Variants in GRTP1 observed in about 807,000 individuals in gnomAD.
The protein encoded by GRTP1 is growth hormone-regulated TBC protein 1.
A neutral mutation model predicts 38.1 loss-of-function variants in GRTP1; 56 were observed. The ratio of observed to expected loss-of-function variants is 1.47; its 90% CI spans 1.19 to 1.84. The LOEUF (loss-of-function observed/expected upper bound fraction) is 1.84, where lower values mean the gene tolerates loss of function less well. GRTP1 is among the 40% of genes most tolerant of loss of function. GRTP1 has a pLI of 0.00. For missense variants in GRTP1, 506 were observed against 453.9 expected (o/e 1.11, Z -1.04); for synonymous variants, 217 against 189.5 (o/e 1.14, Z -1.19).
intron 4 of GRTP1, among the ~76,000 whole-genome samples, chr13:113,345,397 T>C (rs2139454658): frequency 6.6e-6 from 1 of 152,342 alleles, no homozygotes; most frequent in African/African-American, 2.4e-5. Flanking sequence ...AATTTCGTGG[T>C]GGAGACCCTT....
chr13:113,354,012 G>A (rs1466932957), intron 3 of GRTP1, among the ~76,000 whole-genome samples: 1 of 152,168 alleles, frequency 6.6e-6, no homozygotes, highest in African/African-American at 2.4e-5. Context: ...CACGGCTGAA[G>A]TGAGCTGTCA....
intron 2 of GRTP1, among the ~76,000 whole-genome samples, chr13:113,362,528 C>CGGGAGGCTGAGAG (rs2043517250): frequency 6.6e-6 from 1 of 151,888 alleles, no homozygotes; most frequent in African/African-American, 2.4e-5. Context: ...CCCAGCTATG[C>CGGGAGGCTGAGAG]GGGAGGCTGA....
At chr13:113,346,161 C>G (rs61966596) in intron 4 of GRTP1, among the ~76,000 whole-genome samples, 18,731 of 41,898 alleles carry the variant, frequency 0.45, 3,006 homozygotes, top group East Asian at 0.55. Context: ...GACCTCTGTG[C>G]CTGACAGTGG....
chr13:113,327,966 A>G (rs1353014119), intron 5 of GRTP1, among the ~76,000 whole-genome samples: 4 of 152,212 alleles, frequency 2.6e-5, no homozygotes, highest in Admixed American at 2.6e-4. Flanking sequence ...AAACTCCACC[A>G]GGCTGAGCCG....
intron 7 of GRTP1, chr13:113,324,829 C>CG: frequency 1.0e-6 from 1 of 1,003,176 alleles, no homozygotes; most frequent in African/African-American, 1.8e-5. Flanking sequence ...TTCCATTAGA[C>CG]TTTTTTTTTT....
chr13:113,363,717 A>AACCCTCCTGCGCCCTCGGG, intron 2 of GRTP1, 45 bp downstream of exon 2: 1 of 1,525,496 alleles, frequency 6.6e-7, no homozygotes. Context: ...GTCCCAGCCC[A>AACCCTCCTGCGCCCTCGGG]ACCCACCTGC....
At position 113,364,118 on chromosome 13, in the gene GRTP1, C is replaced by T; in HGVS notation, c.-67G>A. 8.5e-7 allele frequency: 1 copy of T among 1,174,286 alleles called. No homozygotes were observed. The highest frequency in any genetic ancestry group is 1.0e-6 in the Non-Finnish European group (1 of 958,908). The allele number at this position is 1,174,286 out of a possible 1,614,324, so 72.7% of individuals were successfully genotyped here. On this transcript the variant is annotated 5_prime_UTR_variant, in exon 1 of 8. Coordinates refer to ENST00000375431, the MANE Select transcript of GRTP1 (RefSeq NM_024719.4). ...AAGTTCGCCTCCCGGCTCCGGGGCG[C>T]TTAAGTCCTTCCGGCGGGACCGCGG...
intron 5 of GRTP1, among the ~76,000 whole-genome samples, chr13:113,338,515 C>T (rs771220344): frequency 5.9e-5 from 9 of 151,998 alleles, no homozygotes; most frequent in Admixed American, 1.3e-4. Flanking sequence ...AGGCCTTGGG[C>T]GGGGAGGCCT....
At chr13:113,361,527 C>T (rs1043063006) in intron 2 of GRTP1, 1 of 152,184 alleles carries the variant, frequency 6.6e-6, no homozygotes, top group Non-Finnish European at 1.5e-5. Flanking sequence ...TCTGTAAAAA[C>T]AAAAATTTAT....
At chr13:113,363,259 G>A (rs2043531475) in intron 2 of GRTP1, among the ~76,000 whole-genome samples, 3 of 152,250 alleles carry the variant, frequency 2.0e-5, no homozygotes, top group South Asian at 4.1e-4. Context: ...CCAGGCTGGA[G>A]TGCAATGGCG....
intron 3 of GRTP1, among the ~76,000 whole-genome samples, chr13:113,354,372 T>A (rs970119482): frequency 6.6e-6 from 1 of 152,190 alleles, no homozygotes; most frequent in Non-Finnish European, 1.5e-5. Context: ...GGATGCACCA[T>A]GTCCTCCCCG....
intron 5 of GRTP1, among the ~76,000 whole-genome samples, chr13:113,328,351 G>A (rs1433514617): frequency 1.3e-5 from 2 of 152,178 alleles, no homozygotes; most frequent in Admixed American, 6.5e-5. Context: ...ATACAAAGAC[G>A]GTGGCCACAG....
chr13:113,332,282 G>GCA (rs1322882133), intron 5 of GRTP1, among the ~76,000 whole-genome samples: 7 of 142,560 alleles, frequency 4.9e-5, no homozygotes, highest in East Asian at 2.1e-4. Flanking sequence ...GTACACACGT[G>GCA]CACACACACA....
intron 5 of GRTP1, among the ~76,000 whole-genome samples, chr13:113,330,628 G>A (rs200137488): frequency 0.034 from 99 of 2,944 alleles, no homozygotes; most frequent in East Asian, 0.065. Flanking sequence ...GTGTGCATGG[G>A]AGCCCAGGTG....
At chr13:113,336,223 C>T (rs754689213) in intron 5 of GRTP1, among the ~76,000 whole-genome samples, 3 of 151,880 alleles carry the variant, frequency 2.0e-5, no homozygotes, top group East Asian at 3.9e-4. Flanking sequence ...CCGTGGCGAA[C>T]GCTGGAGGAC....
At chr13:113,338,468 A>G (rs2042984183) in intron 5 of GRTP1, among the ~76,000 whole-genome samples, 1 of 152,028 alleles carries the variant, frequency 6.6e-6, no homozygotes, top group African/African-American at 2.4e-5. Flanking sequence ...CCGCAACAAC[A>G]GTGGTGGGGG....
chr13:113,344,712 CAAA>C lies in GRTP1; in HGVS notation c.562+148_562+150del, dbSNP rs11444762. On this transcript the variant is annotated intron_variant, in intron 5 of 7. Transcript: ENST00000375431. ...TGGGCATCAGAGCGAGACTCCGTCT[CAAA>C]AAAAAAAAAAAAAAAAAAAACGGTT... 2.0e-5 allele frequency: 4 copies of C among 195,922 alleles called. No homozygotes were observed. In the African/African-American group the frequency reaches 2.4e-4, roughly 12 times the overall value. 12.1% of individuals were successfully genotyped at this position (195,922 alleles called of 1,614,324 possible). A position where few individuals can be genotyped will look rare whatever the true frequency, so the allele number is the denominator to read the frequency against.
chr13:113,341,660 TTC>T (rs1183953493), intron 5 of GRTP1, among the ~76,000 whole-genome samples: 5 of 152,218 alleles, frequency 3.3e-5, no homozygotes, highest in Non-Finnish European at 7.3e-5. Context: ...TTTCTTCTGT[TTC>T]TCTGTTTCTG....
At chr13:113,347,573 G>A (rs1274288396) in intron 4 of GRTP1, among the ~76,000 whole-genome samples, 25 of 81,002 alleles carry the variant, frequency 3.1e-4, no homozygotes, top group Middle Eastern at 6.6e-3. Context: ...AGCAGACCCA[G>A]GAGGACCTCT....
Sources: gnomAD v4.1 joint callset for allele counts (sites outside exome capture counted in the v4.1 genomes callset) on GRCh38, gnomAD v4.1.1 for gene constraint, MANE v1.5 for transcripts, NCBI Gene and HGNC (gene_info 2026-07-23, HGNC 2026-07-21) for gene names.